ASAP1: variants seen among roughly 807,000 people sequenced by gnomAD.
ASAP1 encodes arf-GAP with SH3 domain, ANK repeat and PH domain-containing protein 1.
ASAP1 carries 43 observed loss-of-function variants against 145.2 expected under a neutral mutation model. The observed-to-expected ratio is 0.30, with a 90% confidence interval of 0.23 to 0.38. The LOEUF is 0.38. Among genes scored for constraint, ASAP1 ranks in the 10% least tolerant of loss-of-function variants. ASAP1 has a pLI of 1.00. For synonymous variants in ASAP1, 546 were observed against 515.5 expected (o/e 1.06, Z -0.80); for missense variants, 1,018 against 1,355.3 (o/e 0.75, Z 3.91).
In ASAP1 at chr8:130,154,409, T is replaced by C. The variant is rs111583154; in HGVS notation, c.1011-1604A>G. Among the ~76,000 whole-genome samples, 1,259 of 152,298 alleles carry C rather than the reference T, an allele frequency of 8.3e-3. 5 individuals carry two copies. The highest frequency in any genetic ancestry group is 0.013 in the Non-Finnish European group (918 of 68,014). On this transcript the variant is annotated intron_variant, in intron 12 of 29. Transcript: ENST00000518721. ...AGCTCCAGGCACAGACGAGACTGCATGTGTGGTAGATCTGCGTGTGTGCAG... is the reference window on the plus strand; with the variant it reads ...AGCTCCAGGCACAGACGAGACTGCACGTGTGGTAGATCTGCGTGTGTGCAG...
At chr8:130,127,076 A>T (rs1286158349) in intron 16 of ASAP1, among the ~76,000 whole-genome samples, 1 of 152,216 alleles carries the variant, frequency 6.6e-6, no homozygotes, top group Non-Finnish European at 1.5e-5. Context: ...GCTGTTGCCA[A>T]TACACTGGTA....
chr8:130,295,778 A>AC (rs1554875124), intron 3 of ASAP1, among the ~76,000 whole-genome samples: 5 of 150,830 alleles, frequency 3.3e-5, no homozygotes, highest in African/African-American at 1.2e-4. Flanking sequence ...GTGGCACAAG[A>AC]TTTTTTTTTT....
intron 3 of ASAP1, among the ~76,000 whole-genome samples, chr8:130,251,235 T>C (rs192890380): frequency 4.6e-5 from 7 of 152,118 alleles, no homozygotes; most frequent in Admixed American, 1.3e-4. Context: ...CTGGCCAACA[T>C]AGCGAAACCG....
intron 12 of ASAP1, among the ~76,000 whole-genome samples, chr8:130,158,785 G>A (rs1292039434): frequency 2.0e-5 from 3 of 151,674 alleles, no homozygotes; most frequent in African/African-American, 7.3e-5. Flanking sequence ...AGGCTGGAGT[G>A]CAGTGGTGCG....
intron 1 of ASAP1, among the ~76,000 whole-genome samples, chr8:130,411,983 C>T (rs573130241): frequency 6.6e-6 from 1 of 152,196 alleles, no homozygotes; most frequent in African/African-American, 2.4e-5. Context: ...GAGTTTACTC[C>T]CTCGCAGGAA....
At chr8:130,180,640 C>A (rs1458484069) in intron 8 of ASAP1, 111 bp downstream of exon 8, 4 of 1,285,974 alleles carry the variant, frequency 3.1e-6, no homozygotes, top group Non-Finnish European at 1.1e-6. Context: ...GAAACAGTTT[C>A]CTCTCTAATA....
intron 3 of ASAP1, among the ~76,000 whole-genome samples, chr8:130,282,027 C>T (rs1014954357): frequency 2.0e-5 from 3 of 150,198 alleles, no homozygotes; most frequent in Non-Finnish European, 4.4e-5. Flanking sequence ...AGATCATGAC[C>T]GATTACACTC....
chr8:130,351,477 T>C (rs982189039), intron 3 of ASAP1, among the ~76,000 whole-genome samples: 1 of 152,206 alleles, frequency 6.6e-6, no homozygotes, highest in South Asian at 2.1e-4. Flanking sequence ...TGTGTTGTTA[T>C]AAAGGAATAT....
At chr8:130,391,704 G>T (rs1212660263) in intron 2 of ASAP1, among the ~76,000 whole-genome samples, 1 of 152,238 alleles carries the variant, frequency 6.6e-6, no homozygotes, top group Non-Finnish European at 1.5e-5. Context: ...CTCAGAGTAT[G>T]TCAGTGGCAA....
chr8:130,146,132 C>T (rs1269573802), intron 13 of ASAP1, among the ~76,000 whole-genome samples: 2 of 151,664 alleles, frequency 1.3e-5, no homozygotes, highest in African/African-American at 2.4e-5. Flanking sequence ...AGAGCCAATG[C>T]ACCTGGCCTG....
In ASAP1 at chr8:130,419,296, T is replaced by C. The variant is rs369826274; in HGVS notation, c.-27-17326A>G. Among the ~76,000 whole-genome samples the C allele has an allele frequency of 1.2e-4, 18 of 152,330 alleles. No homozygotes were observed. In the East Asian group the frequency reaches 3.5e-3, roughly 29 times the overall value. ...GTCCCAGGTGTGGGCCTCACTGGCTTAAAACCATCCCCATCGTCTGCCACT... is the reference window on the plus strand; with the variant it reads ...GTCCCAGGTGTGGGCCTCACTGGCTCAAAACCATCCCCATCGTCTGCCACT... On this transcript the variant is annotated intron_variant, in intron 1 of 29. Coordinates refer to ENST00000518721, the MANE Select transcript of ASAP1 (RefSeq NM_018482.4).
At chr8:130,069,998 T>C (rs2097439014) in intron 27 of ASAP1, among the ~76,000 whole-genome samples, 1 of 152,106 alleles carries the variant, frequency 6.6e-6, no homozygotes, top group Non-Finnish European at 1.5e-5. Flanking sequence ...ATGATGAAAG[T>C]TGGTATATTT....
intron 3 of ASAP1, among the ~76,000 whole-genome samples, chr8:130,288,370 C>T (rs901999518): frequency 6.6e-6 from 1 of 151,742 alleles, no homozygotes; most frequent in Non-Finnish European, 1.5e-5. Flanking sequence ...AAAAAAATTC[C>T]TTGTTGAAAC....
In ASAP1 at chr8:130,423,858, T is replaced by TAATTGTG. The variant is rs556377889; in HGVS notation, c.-28+19595_-28+19601dup. Among the ~76,000 whole-genome samples the TAATTGTG allele has an allele frequency of 2.2e-4, 34 of 152,088 alleles. No individual in the cohort carries two copies. In the East Asian group the frequency reaches 6.0e-3, roughly 27 times the overall value. ...ATGTTTACATTTGGAGGAGAAAAAG[T>TAATTGTG]AATTGTGCAGAAAGTACTTTAAAGG... On this transcript the variant is annotated intron_variant, in intron 1 of 29. Transcript: ENST00000518721.
At chr8:130,390,943 C>A (rs1209311596) in intron 2 of ASAP1, among the ~76,000 whole-genome samples, 2 of 132,084 alleles carry the variant, frequency 1.5e-5, no homozygotes, top group African/African-American at 5.6e-5. Flanking sequence ...TCCCCCGCCC[C>A]CCCAAAATTG....
chr8:130,185,378 T>A (rs1355686004), intron 7 of ASAP1, among the ~76,000 whole-genome samples: 1 of 152,138 alleles, frequency 6.6e-6, no homozygotes, highest in East Asian at 1.9e-4. Context: ...TAACACCATA[T>A]ATAAGAATAA....
intron 1 of ASAP1, among the ~76,000 whole-genome samples, chr8:130,426,067 C>A (rs78645972): frequency 0.017 from 2,552 of 152,260 alleles, 67 homozygotes; most frequent in African/African-American, 0.059. Context: ...TTCCCAGTGT[C>A]GGAGGAGGGG....
chr8:130,371,077 G>A (rs1246851061), intron 2 of ASAP1, among the ~76,000 whole-genome samples: 1 of 152,198 alleles, frequency 6.6e-6, no homozygotes, highest in Non-Finnish European at 1.5e-5. Context: ...AACCACTATG[G>A]TGGTGAAGAT....
chr8:130,333,033 A>C (rs1233411294), intron 3 of ASAP1, among the ~76,000 whole-genome samples: 1 of 152,220 alleles, frequency 6.6e-6, no homozygotes, highest in Non-Finnish European at 1.5e-5. Context: ...AAAGCGGTTC[A>C]ATCTTTCATA....
Sources: gnomAD v4.1 joint callset for allele counts (sites outside exome capture counted in the v4.1 genomes callset) on GRCh38, gnomAD v4.1.1 for gene constraint, MANE v1.5 for transcripts, NCBI Gene and HGNC (gene_info 2026-07-23, HGNC 2026-07-21) for gene names.